KCNH8: variants seen among roughly 807,000 people sequenced by gnomAD.
KCNH8 encodes the protein voltage-gated delayed rectifier potassium channel KCNH8.
Under a neutral mutation model 103.6 loss-of-function variants are expected in KCNH8, and 70 were observed. The ratio of observed to expected loss-of-function variants is 0.68; its 90% confidence interval spans 0.56 to 0.82. KCNH8 has a LOEUF of 0.82. KCNH8 is among the 40% of genes least tolerant of loss of function. KCNH8 has a pLI of 0.00. For missense variants in KCNH8, 1,217 were observed against 1,329.9 expected (o/e 0.92, Z 1.32); for synonymous variants, 498 against 489.4 (o/e 1.02, Z -0.23).
intron 11 of KCNH8, among the ~76,000 whole-genome samples, chr3:19,484,230 G>A (rs2068154566): frequency 6.6e-6 from 1 of 152,076 alleles, no homozygotes; most frequent in Non-Finnish European, 1.5e-5. Flanking sequence ...ACATCTGGCT[G>A]GTCGTTTCCT....
intron 2 of KCNH8, among the ~76,000 whole-genome samples, chr3:19,273,876 AAACT>A (rs2064625290): frequency 6.6e-6 from 1 of 152,216 alleles, no homozygotes. Flanking sequence ...TTTCAGTCTT[AAACT>A]AAAATAGCTG....
chr3:19,377,446 A>G (rs192601656), intron 5 of KCNH8, among the ~76,000 whole-genome samples: 4 of 152,352 alleles, frequency 2.6e-5, no homozygotes, highest in Admixed American at 6.5e-5. Flanking sequence ...CATTTAAATC[A>G]GACGTAGGGA....
chr3:19,463,345 T>C (rs1243077094), intron 11 of KCNH8, among the ~76,000 whole-genome samples: 1 of 152,040 alleles, frequency 6.6e-6, no homozygotes, highest in Non-Finnish European at 1.5e-5. Context: ...TTCATACTAG[T>C]AGTATGCATA....
chr3:19,311,960 G>C (rs1488279953), intron 3 of KCNH8, among the ~76,000 whole-genome samples: 1 of 151,830 alleles, frequency 6.6e-6, no homozygotes, highest in African/African-American at 2.4e-5. Flanking sequence ...TTGATATAAG[G>C]CTGACAGATT....
At chr3:19,502,474 G>A (rs1053351698) in intron 11 of KCNH8, among the ~76,000 whole-genome samples, 6 of 151,962 alleles carry the variant, frequency 3.9e-5, no homozygotes, top group African/African-American at 9.7e-5. Flanking sequence ...AGTCAATCCT[G>A]AGCCAAAAGA....
chr3:19,296,538 C>G (rs1327915682), intron 3 of KCNH8, among the ~76,000 whole-genome samples: 2 of 152,196 alleles, frequency 1.3e-5, no homozygotes, highest in Non-Finnish European at 2.9e-5. Flanking sequence ...AAAACAGATG[C>G]CATGTCTGAT....
intron 11 of KCNH8, among the ~76,000 whole-genome samples, chr3:19,500,483 A>AT (rs199988572): frequency 2.6e-5 from 4 of 151,980 alleles, no homozygotes; most frequent in East Asian, 1.9e-4. Context: ...CAGAATATAC[A>AT]TTTTTTTCAG....
chr3:19,154,010 G>GATTATCTTT (rs2063156454), intron 1 of KCNH8, among the ~76,000 whole-genome samples: 1 of 152,050 alleles, frequency 6.6e-6, no homozygotes, highest in Non-Finnish European at 1.5e-5. Context: ...AATAAATCAG[G>GATTATCTTT]ATTATCTTTT....
intron 7 of KCNH8, among the ~76,000 whole-genome samples, chr3:19,398,428 G>T (rs1260817057): frequency 6.6e-6 from 1 of 151,910 alleles, no homozygotes; most frequent in Non-Finnish European, 1.5e-5. Flanking sequence ...TGACAGCAGG[G>T]TTATTAATAT....
intron 11 of KCNH8, among the ~76,000 whole-genome samples, chr3:19,467,181 T>C (rs748813406): frequency 5.9e-5 from 9 of 152,134 alleles, no homozygotes; most frequent in East Asian, 3.9e-4. Context: ...AGGGGATTCA[T>C]TGACCCTTTC....
At chr3:19,387,890 C>G (rs1005361187) in intron 5 of KCNH8, among the ~76,000 whole-genome samples, 1 of 151,108 alleles carries the variant, frequency 6.6e-6, no homozygotes, top group Non-Finnish European at 1.5e-5. Flanking sequence ...TTAAAAAGCT[C>G]TTTAAACGAA....
intron 11 of KCNH8, among the ~76,000 whole-genome samples, chr3:19,501,306 G>A (rs1298553484): frequency 2.6e-5 from 4 of 152,134 alleles, no homozygotes; most frequent in Non-Finnish European, 5.9e-5. Context: ...ACGAAAAAGA[G>A]TCCAGACCAG....
intron 7 of KCNH8, among the ~76,000 whole-genome samples, chr3:19,409,359 T>C (rs191869636): frequency 6.6e-6 from 1 of 151,606 alleles, no homozygotes; most frequent in African/African-American, 2.4e-5. Context: ...CAAGAGATTC[T>C]TAAGGGAGTT....
chr3:19,433,039 G>C (rs1361043056), intron 7 of KCNH8, among the ~76,000 whole-genome samples: 1 of 151,830 alleles, frequency 6.6e-6, no homozygotes, highest in African/African-American at 2.4e-5. Flanking sequence ...ACATGATGAT[G>C]CCCTATTTTG....
intron 5 of KCNH8, among the ~76,000 whole-genome samples, chr3:19,372,632 G>C (rs1325213884): frequency 6.6e-6 from 1 of 152,102 alleles, no homozygotes; most frequent in Non-Finnish European, 1.5e-5. Context: ...GCCCTGGCCA[G>C]AACTTCCAAC....
chr3:19,423,340 A>T (rs985550964), intron 7 of KCNH8, among the ~76,000 whole-genome samples: 4 of 151,822 alleles, frequency 2.6e-5, no homozygotes, highest in Non-Finnish European at 5.9e-5. Flanking sequence ...GGTTGCATGA[A>T]TAAGTTCTTT....
intron 5 of KCNH8, among the ~76,000 whole-genome samples, chr3:19,382,257 G>C (rs1049053599): frequency 2.6e-5 from 4 of 152,098 alleles, no homozygotes; most frequent in Non-Finnish European, 5.9e-5. Flanking sequence ...GCTGGAAGCA[G>C]GGTAAGAATT....
At chr3:19,259,569 C>T (rs1260712009) in intron 2 of KCNH8, among the ~76,000 whole-genome samples, 1 of 151,610 alleles carries the variant, frequency 6.6e-6, no homozygotes, top group Non-Finnish European at 1.5e-5. Context: ...AATTTGTTGC[C>T]CCAGTCATTG....
intron 4 of KCNH8, among the ~76,000 whole-genome samples, chr3:19,342,981 G>A: frequency 6.6e-6 from 1 of 152,102 alleles, no homozygotes; most frequent in Non-Finnish European, 1.5e-5. Context: ...TAGGGACACT[G>A]CAAATGGGGA....
Sources: allele counts gnomAD v4.1 joint callset (sites outside exome capture counted in the v4.1 genomes callset), GRCh38; gene constraint gnomAD v4.1.1; transcripts MANE v1.5; gene names NCBI Gene and HGNC (gene_info 2026-07-23, HGNC 2026-07-21).